Variants in RPS6KC1 observed in about 807,000 individuals in gnomAD.
RPS6KC1 encodes ribosomal protein S6 kinase C1, also known as inactive ribosomal protein S6 kinase delta-1.
A neutral mutation model predicts 103.8 loss-of-function variants in RPS6KC1; 54 were observed. That is an observed-to-expected ratio of 0.52 (90% CI 0.42 to 0.65). The LOEUF is 0.65. Ranked by LOEUF, RPS6KC1 falls within the 30% of genes least tolerant of loss-of-function variation. The pLI is 0.00. For missense variants in RPS6KC1, 1,151 were observed against 1,253.8 expected (o/e 0.92, Z 1.24); for synonymous variants, 439 against 438.7 (o/e 1.00, Z -0.01).
chr1:213,338,805 A>G, the RPS6KC1 span, among the ~76,000 whole-genome samples: 1 of 146,368 alleles, frequency 6.8e-6, no homozygotes, highest in Non-Finnish European at 1.5e-5. Context: ...AGGTGTCACT[A>G]TGTTGCCCAG....
chr1:213,078,766 A>T (rs1572386334), intron 3 of RPS6KC1, among the ~76,000 whole-genome samples: 1 of 152,228 alleles, frequency 6.6e-6, no homozygotes, highest in Admixed American at 6.5e-5. Context: ...GAGTCAAGGT[A>T]TATGCACATT....
intron 6 of RPS6KC1, 32 bp from the exon 7 acceptor site, chr1:213,167,822 AATTT>A (rs1221780902): frequency 7.0e-7 from 1 of 1,428,792 alleles, no homozygotes; most frequent in East Asian, 2.3e-5. Context: ...AACTGAGGAA[AATTT>A]ATTTTTTACA....
the RPS6KC1 span, among the ~76,000 whole-genome samples, chr1:213,295,038 G>T: frequency 9.9e-5 from 15 of 152,092 alleles, no homozygotes; most frequent in Non-Finnish European, 1.6e-4. Context: ...ATGAGCAAAA[G>T]CACTCCATAT....
Position 213,192,887 on chromosome 1 carries a change from G to T in RPS6KC1, c.1044+16395G>T, listed in dbSNP as rs76202706. ...TGTATCCCATAGATTTTGGGATGTTGTGTTTCCATTATTTGTTTCAAGAAA... is the reference window on the plus strand; with the variant it reads ...TGTATCCCATAGATTTTGGGATGTTTTGTTTCCATTATTTGTTTCAAGAAA... On this transcript the variant is annotated intron_variant, in intron 8 of 14. Coordinates refer to ENST00000366960, the MANE Select transcript of RPS6KC1 (RefSeq NM_012424.6). 1.5e-3 allele frequency among the ~76,000 whole-genome samples: 226 copies of T among 152,150 alleles called. 5 individuals carry two copies. In the East Asian group the frequency reaches 0.038, roughly 26 times the overall value.
the RPS6KC1 span, among the ~76,000 whole-genome samples, chr1:213,650,928 TAA>T: frequency 2.2e-4 from 22 of 100,266 alleles, no homozygotes; most frequent in Middle Eastern, 6.1e-3. Flanking sequence ...ACTTGCATGT[TAA>T]AAAAAAAAAA....
chr1:213,514,030 T>C, the RPS6KC1 span, among the ~76,000 whole-genome samples: 2 of 152,220 alleles, frequency 1.3e-5, no homozygotes, highest in African/African-American at 4.8e-5. Context: ...GTTTTCTCAT[T>C]TCCAGTCATT....
At chr1:213,067,472 A>G (rs2078434909) in intron 1 of RPS6KC1, among the ~76,000 whole-genome samples, 2 of 152,200 alleles carry the variant, frequency 1.3e-5, no homozygotes, top group South Asian at 4.1e-4. Context: ...TCATGAAGAC[A>G]TTAAGAGCCT....
At chr1:213,763,969 C>T in the RPS6KC1 span, among the ~76,000 whole-genome samples, 3 of 152,184 alleles carry the variant, frequency 2.0e-5, no homozygotes, top group South Asian at 6.2e-4. Context: ...AATGTTCCTT[C>T]TCTGTATATT....
the RPS6KC1 span, among the ~76,000 whole-genome samples, chr1:213,299,759 G>A: frequency 2.3e-3 from 344 of 152,166 alleles, 2 homozygotes; most frequent in Non-Finnish European, 4.0e-3. Context: ...TCCAGTGTAA[G>A]TTTCATACTT....
chr1:213,442,908 T>C, the RPS6KC1 span, among the ~76,000 whole-genome samples: 1 of 152,064 alleles, frequency 6.6e-6, no homozygotes, highest in Non-Finnish European at 1.5e-5. Flanking sequence ...TGGCCACAGT[T>C]CAGGAGTGGG....
At chr1:213,458,740 G>A in the RPS6KC1 span, among the ~76,000 whole-genome samples, 912 of 152,200 alleles carry the variant, frequency 6.0e-3, 6 homozygotes, top group African/African-American at 0.021. Context: ...GATATTGGCC[G>A]TGGGTTTGTC....
At chr1:213,468,805 C>A in the RPS6KC1 span, among the ~76,000 whole-genome samples, 1 of 152,172 alleles carries the variant, frequency 6.6e-6, no homozygotes, top group East Asian at 1.9e-4. Flanking sequence ...CCTATTCAAT[C>A]TCATCTGCTC....
At chr1:213,675,418 TA>T in the RPS6KC1 span, among the ~76,000 whole-genome samples, 4 of 152,326 alleles carry the variant, frequency 2.6e-5, no homozygotes, top group Admixed American at 2.0e-4. Flanking sequence ...TTTAAACCTT[TA>T]ATCCAACTTG....
intron 14 of RPS6KC1, among the ~76,000 whole-genome samples, chr1:213,268,753 A>G (rs1473617621): frequency 6.6e-6 from 1 of 151,618 alleles, no homozygotes; most frequent in Admixed American, 6.6e-5. Context: ...AATTAAAGTT[A>G]CTATTATTTT....
chr1:213,211,756 G>A (rs902788952), intron 8 of RPS6KC1, among the ~76,000 whole-genome samples: 66 of 152,294 alleles, frequency 4.3e-4, no homozygotes, highest in African/African-American at 1.5e-3. Flanking sequence ...ATGAATATGA[G>A]AGATTTTAAA....
At chr1:213,358,948 C>T in the RPS6KC1 span, among the ~76,000 whole-genome samples, 523 of 152,296 alleles carry the variant, frequency 3.4e-3, 3 homozygotes, top group African/African-American at 0.012. Context: ...TATTCTTTTA[C>T]ATTTGCTGAG....
the RPS6KC1 span, among the ~76,000 whole-genome samples, chr1:213,602,016 C>CTTTTCTTTTCTTTTCT: frequency 2.4e-4 from 6 of 25,192 alleles, no homozygotes; most frequent in South Asian, 1.9e-3. Flanking sequence ...CTTTTCTTTT[C>CTTTTCTTTTCTTTTCT]TTTCTTTCTT....
the RPS6KC1 span, among the ~76,000 whole-genome samples, chr1:213,483,864 T>A: frequency 6.6e-6 from 1 of 152,230 alleles, no homozygotes; most frequent in Non-Finnish European, 1.5e-5. Context: ...TCCCTTTTTC[T>A]AAAATTGTTT....
At chr1:213,646,178 C>T in the RPS6KC1 span, among the ~76,000 whole-genome samples, 4 of 152,112 alleles carry the variant, frequency 2.6e-5, no homozygotes, top group African/African-American at 9.7e-5. Flanking sequence ...GTTATGGACA[C>T]CTTGGTTAGT....
Sources: gnomAD v4.1 joint callset for allele counts (sites outside exome capture counted in the v4.1 genomes callset) on GRCh38, gnomAD v4.1.1 for gene constraint, MANE v1.5 for transcripts, NCBI Gene and HGNC (gene_info 2026-07-23, HGNC 2026-07-21) for gene names.